The following TLL1 variants were observed in gnomAD, a reference collection of about 807,000 sequenced individuals.
The protein encoded by TLL1 is tolloid-like protein 1.
In TLL1, 49 loss-of-function variants were observed where a neutral mutation model predicts 128.2. The observed-to-expected ratio is 0.38, with a 90% CI of 0.30 to 0.48. The LOEUF (loss-of-function observed/expected upper bound fraction) is 0.48. TLL1 is among the 20% of genes least tolerant of loss of function. The pLI is 0.96. For synonymous variants in TLL1, 454 were observed against 418.8 expected, an observed-to-expected ratio of 1.08 and a Z score of -1.03; for missense variants, 1,123 against 1,242.0, an observed-to-expected ratio of 0.90 and a Z score of 1.44.
At chr4:166,019,500 C>CT (rs1031879761) in intron 8 of TLL1, among the ~76,000 whole-genome samples, 9 of 151,944 alleles carry the variant, frequency 5.9e-5, no homozygotes, top group South Asian at 4.2e-4. Context: ...TTAATGCCAG[C>CT]TTTTTTTTCT....
intron 10 of TLL1, among the ~76,000 whole-genome samples, chr4:166,039,742 C>A (rs1739159308): frequency 6.6e-6 from 1 of 151,840 alleles, no homozygotes; most frequent in South Asian, 2.1e-4. Flanking sequence ...CACAGTGTTT[C>A]TGTATTTTTG....
chr4:166,091,154 G>A lies in TLL1; in HGVS notation c.2469G>A (p.Gln823=). Reference sequence around the variant, plus strand: ...CCTTTAGTGAATTTGAGATTGAGCAGCATCAAGAATGTGCTTATGACCACT... The same window carrying A: ...CCTTTAGTGAATTTGAGATTGAGCAACATCAAGAATGTGCTTATGACCACT... ...KLAFSEFEIE[Q]HQECAYDHLE... The change falls in exon 19 of 21, where the codon CAG becomes CAA. Residue 823 remains glutamine, a synonymous_variant. Transcript: ENST00000061240. The A allele has an allele frequency of 1.2e-6, 2 of 1,612,730 alleles. No homozygotes were observed. Among genetic ancestry groups the A allele is most frequent in the Non-Finnish European group, 1.7e-6 (2 of 1,179,302 alleles).
At chr4:165,970,516 G>A (rs902542176) in intron 1 of TLL1, among the ~76,000 whole-genome samples, 1 of 152,010 alleles carries the variant, frequency 6.6e-6, no homozygotes, top group Non-Finnish European at 1.5e-5. Context: ...GAGGAGGTTG[G>A]GTTAAAACCT....
intron 8 of TLL1, among the ~76,000 whole-genome samples, chr4:166,023,532 A>T (rs971367495): frequency 6.6e-6 from 1 of 152,200 alleles, no homozygotes. Context: ...TTAAATAATA[A>T]AGTTTGACTT....
At chr4:166,052,965 G>GTGTGTGTGTATATATATATATATATATA in intron 12 of TLL1, among the ~76,000 whole-genome samples, 1 of 99,700 alleles carries the variant, frequency 1.0e-5, no homozygotes, top group African/African-American at 3.8e-5. Context: ...GAGGTTATGT[G>GTGTGTGTGTATATATATATATATATATA]TATATATATA....
chr4:165,934,366 C>T (rs1488102700), intron 1 of TLL1, among the ~76,000 whole-genome samples: 1 of 151,872 alleles, frequency 6.6e-6, no homozygotes. Flanking sequence ...CTTTTTATGA[C>T]ATAAAAAATA....
At chr4:166,081,657 C>T (rs1466871726) in intron 18 of TLL1, among the ~76,000 whole-genome samples, 1 of 152,146 alleles carries the variant, frequency 6.6e-6, no homozygotes, top group Non-Finnish European at 1.5e-5. Context: ...GCCACTATCA[C>T]ATCTTTCCTT....
intron 1 of TLL1, among the ~76,000 whole-genome samples, chr4:165,912,059 T>G (rs1331673581): frequency 6.6e-6 from 1 of 152,152 alleles, no homozygotes; most frequent in Non-Finnish European, 1.5e-5. Flanking sequence ...GTATTTTTAG[T>G]AGAGACGAGG....
At chr4:165,909,569 T>A (rs1197418496) in intron 1 of TLL1, among the ~76,000 whole-genome samples, 1 of 152,178 alleles carries the variant, frequency 6.6e-6, no homozygotes, top group South Asian at 2.1e-4. Context: ...CCGATACTTA[T>A]GCAGTTGCTT....
intron 1 of TLL1, among the ~76,000 whole-genome samples, chr4:165,906,043 C>A (rs758622043): frequency 3.3e-5 from 5 of 151,910 alleles, no homozygotes; most frequent in African/African-American, 1.2e-4. Context: ...AACTAAGGCC[C>A]GATGCCTGTT....
rs115050980 is a variant in TLL1, at chr4:166,039,524, C to T, written c.1261+83C>T. ...ACCAACCGATTCTCTCAAGAGTCAT[C>T]GTAGAGTTAAAAATGTGTGTGACTA... On this transcript the variant is annotated intron_variant, in intron 10 of 20. Transcript: ENST00000061240. 1,075 of 968,748 alleles carry T rather than the reference C, an allele frequency of 1.1e-3. 5 individuals are homozygous for T. The African/African-American group carries it at 0.016, about 14-fold the overall frequency. The allele number at this position is 968,748 out of a possible 1,614,324, so 60.0% of individuals were successfully genotyped here. A position where few individuals can be genotyped will look rare whatever the true frequency, so the allele number is the denominator to read the frequency against.
At chr4:166,012,441 C>T (rs1737738449) in intron 7 of TLL1, among the ~76,000 whole-genome samples, 1 of 151,602 alleles carries the variant, frequency 6.6e-6, no homozygotes, top group Non-Finnish European at 1.5e-5. Flanking sequence ...AATATATTCT[C>T]TCCAAGATGT....
chr4:165,994,584 AC>A, intron 4 of TLL1, 51 bp downstream of exon 4: 1 of 1,598,578 alleles, frequency 6.3e-7, no homozygotes, highest in Non-Finnish European at 8.6e-7. Context: ...AAACTATCAT[AC>A]AGATTAAGTG....
intron 1 of TLL1, among the ~76,000 whole-genome samples, chr4:165,918,943 A>G (rs1459782888): frequency 1.3e-5 from 2 of 152,236 alleles, no homozygotes; most frequent in Non-Finnish European, 2.9e-5. Flanking sequence ...TTCTGTGGTC[A>G]GGAGAAAACC....
intron 13 of TLL1, among the ~76,000 whole-genome samples, chr4:166,055,842 G>A (rs1052651779): frequency 5.3e-5 from 8 of 151,976 alleles, no homozygotes; most frequent in Non-Finnish European, 8.8e-5. Flanking sequence ...AAATATTTTG[G>A]TGAAAATATT....
intron 8 of TLL1, among the ~76,000 whole-genome samples, chr4:166,021,328 C>T (rs932139743): frequency 6.6e-6 from 1 of 152,096 alleles, no homozygotes; most frequent in Admixed American, 6.6e-5. Context: ...CCAGGGCCAT[C>T]CAGCAGCCCA....
chr4:165,948,698 A>G (rs558603878), intron 1 of TLL1, among the ~76,000 whole-genome samples: 2 of 152,268 alleles, frequency 1.3e-5, no homozygotes, highest in South Asian at 4.1e-4. Context: ...TGAATGGATT[A>G]ATCTATTCAT....
At chr4:166,070,645 G>C (rs1002759884) in intron 16 of TLL1, among the ~76,000 whole-genome samples, 2 of 151,866 alleles carry the variant, frequency 1.3e-5, no homozygotes, top group Non-Finnish European at 2.9e-5. Context: ...CCGACTCCCA[G>C]TTCATTTCTG....
chr4:166,056,704 G>A (rs1740023549), intron 13 of TLL1, among the ~76,000 whole-genome samples: 1 of 152,002 alleles, frequency 6.6e-6, no homozygotes, highest in South Asian at 2.1e-4. Flanking sequence ...CTGAAAAAAG[G>A]CTAGGCTTCA....
Sources: allele counts gnomAD v4.1 joint callset (sites outside exome capture counted in the v4.1 genomes callset), GRCh38; gene constraint gnomAD v4.1.1; transcripts MANE v1.5; gene names NCBI Gene and HGNC (gene_info 2026-07-23, HGNC 2026-07-21).